Variants in ZNF280D observed in about 807,000 individuals in gnomAD.
The protein encoded by ZNF280D is suppressor of hairy wing homolog 4.
A neutral mutation model predicts 94.7 loss-of-function variants in ZNF280D; 39 were observed. The ratio of observed to expected loss-of-function variants is 0.41; its 90% CI spans 0.32 to 0.54. ZNF280D has a LOEUF of 0.54. ZNF280D is among the 20% of genes least tolerant of loss of function. The probability of loss-of-function intolerance (pLI) is 0.22; values close to 1 mark genes in which losing one functional copy is unlikely to be tolerated. For missense variants in ZNF280D, 1,090 were observed against 1,149.3 expected (o/e 0.95, Z 0.75); for synonymous variants, 398 against 377.6 (o/e 1.05, Z -0.63).
In ZNF280D at chr15:56,729,160, T is replaced by C. The variant is rs572369400; in HGVS notation, c.-86+4298A>G. On this transcript the variant is annotated intron_variant, in intron 1 of 21. Transcript: ENST00000267807. Reference sequence around the variant, plus strand: ...AATGAAATATGATAAGCTTGGACAATGCAGATCTACACAGAGATTGGGAAA... The same window carrying C: ...AATGAAATATGATAAGCTTGGACAACGCAGATCTACACAGAGATTGGGAAA... 1.2e-4 allele frequency among the ~76,000 whole-genome samples: 12 copies of C among 100,352 alleles called. No homozygotes were observed. The South Asian group carries it at 3.7e-3, about 31-fold the overall frequency. 65.8% of individuals were successfully genotyped at this position (100,352 alleles called of 152,430 possible).
chr15:56,708,341 T>C (rs763137750), intron 1 of ZNF280D, among the ~76,000 whole-genome samples: 5 of 152,226 alleles, frequency 3.3e-5, no homozygotes, highest in Non-Finnish European at 7.4e-5. Flanking sequence ...AGTTGTACTA[T>C]TAAAAATCTT....
intron 19 of ZNF280D, among the ~76,000 whole-genome samples, chr15:56,649,427 A>G (rs1403945020): frequency 5.9e-5 from 9 of 152,192 alleles, no homozygotes; most frequent in Admixed American, 5.9e-4. Context: ...TTGCAATTAC[A>G]TACCAGGAGC....
At chr15:56,646,393 C>T (rs955002050) in intron 19 of ZNF280D, among the ~76,000 whole-genome samples, 7 of 152,066 alleles carry the variant, frequency 4.6e-5, no homozygotes, top group Admixed American at 1.3e-4. Flanking sequence ...CTGCACACTG[C>T]AATCCAGCCC....
chr15:56,662,992 A>C (rs750792818), intron 16 of ZNF280D, among the ~76,000 whole-genome samples: 2 of 151,928 alleles, frequency 1.3e-5, no homozygotes, highest in Non-Finnish European at 2.9e-5. Context: ...GTAGAAAACA[A>C]ACATGGGGCC....
chr15:56,666,617 C>CT, intron 15 of ZNF280D, 62 bp downstream of exon 15: 1 of 1,514,836 alleles, frequency 6.6e-7, no homozygotes, highest in Non-Finnish European at 8.8e-7. Context: ...GTTCTCTTAA[C>CT]TAAAGTATAA....
At chr15:56,716,845 T>C (rs961026610) in intron 1 of ZNF280D, among the ~76,000 whole-genome samples, 2 of 152,214 alleles carry the variant, frequency 1.3e-5, no homozygotes, top group Admixed American at 6.5e-5. Context: ...AGGATATTTA[T>C]TGGCTCATTT....
At chr15:56,700,143 T>C (rs2056974882) in intron 6 of ZNF280D, 1 of 971,370 alleles carries the variant, frequency 1.0e-6, no homozygotes, top group African/African-American at 1.8e-5. Context: ...CTGAGAACTG[T>C]TCAACTAAGG....
chr15:56,710,746 C>T (rs1015993167), intron 1 of ZNF280D, among the ~76,000 whole-genome samples: 4 of 151,978 alleles, frequency 2.6e-5, no homozygotes, highest in African/African-American at 9.7e-5. Context: ...ATAGATATCA[C>T]CCGATGTACT....
chr15:56,652,081 C>T (rs1265884908), intron 19 of ZNF280D, among the ~76,000 whole-genome samples: 3 of 149,550 alleles, frequency 2.0e-5, no homozygotes, highest in African/African-American at 7.4e-5. Context: ...AAGTCCACTA[C>T]TAAGAAACAA....
chr15:56,655,134 G>A (rs996219018), intron 17 of ZNF280D, among the ~76,000 whole-genome samples: 1 of 152,140 alleles, frequency 6.6e-6, no homozygotes, highest in South Asian at 2.1e-4. Flanking sequence ...ATCAAGGTTG[G>A]TATTATTCTT....
chr15:56,653,404 A>C lies in ZNF280D; in HGVS notation c.2213+794T>G, dbSNP rs1474779916. 5.9e-6 allele frequency: 8 copies of C among 1,363,990 alleles called. No individual in the cohort carries two copies. The East Asian group carries it at 2.3e-4, about 39-fold the overall frequency. 84.5% of individuals were successfully genotyped at this position (1,363,990 alleles called of 1,614,324 possible). A position where few individuals can be genotyped will look rare whatever the true frequency, so the allele number is the denominator to read the frequency against. On this transcript the variant is annotated intron_variant, in intron 19 of 21. Coordinates refer to ENST00000267807, the MANE Select transcript of ZNF280D (RefSeq NM_017661.4). ...TCTCTGGCCAAACAACATCAGCCTT[A>C]TGGGAGGCCAGCCATGTAGAAAGGG...
chr15:56,688,169 G>C (rs2056160234), intron 9 of ZNF280D, among the ~76,000 whole-genome samples: 1 of 151,954 alleles, frequency 6.6e-6, no homozygotes, highest in Non-Finnish European at 1.5e-5. Flanking sequence ...TACTTCACTA[G>C]TACTTTGAAC....
At chr15:56,649,604 A>C (rs1329163057) in intron 19 of ZNF280D, among the ~76,000 whole-genome samples, 6 of 151,904 alleles carry the variant, frequency 3.9e-5, no homozygotes, top group Admixed American at 1.3e-4. Flanking sequence ...TCAATAGATC[A>C]GTTTGTTTTT....
At chr15:56,707,375 T>A in intron 1 of ZNF280D, 69 bp from the exon 2 acceptor site, 1 of 1,339,644 alleles carries the variant, frequency 7.5e-7, no homozygotes. Context: ...TTTAATCTTT[T>A]CTCCTATACA....
chr15:56,685,859 C>A (rs1190518090), intron 9 of ZNF280D, among the ~76,000 whole-genome samples: 1 of 152,060 alleles, frequency 6.6e-6, no homozygotes, highest in Non-Finnish European at 1.5e-5. Flanking sequence ...CCAAATAAAT[C>A]TATCATATTG....
chr15:56,716,852 A>C (rs1435836708), intron 1 of ZNF280D, among the ~76,000 whole-genome samples: 1 of 152,186 alleles, frequency 6.6e-6, no homozygotes, highest in Admixed American at 6.5e-5. Flanking sequence ...TTATTGGCTC[A>C]TTTGTAGAAA....
intron 7 of ZNF280D, among the ~76,000 whole-genome samples, chr15:56,692,106 T>G (rs1199286072): frequency 6.6e-6 from 1 of 152,156 alleles, no homozygotes; most frequent in Non-Finnish European, 1.5e-5. Flanking sequence ...AGACTTTTTC[T>G]ATGAATAAAT....
At chr15:56,633,818 G>T (rs1310941788) in intron 21 of ZNF280D, among the ~76,000 whole-genome samples, 1 of 151,926 alleles carries the variant, frequency 6.6e-6, no homozygotes, top group Non-Finnish European at 1.5e-5. Flanking sequence ...CAGCAAGAAA[G>T]GAATGATTAA....
intron 19 of ZNF280D, chr15:56,645,004 C>T (rs2052808505): frequency 6.6e-6 from 1 of 152,036 alleles, no homozygotes. Flanking sequence ...TTTAGAAAAG[C>T]ACACAATAAA....
Sources: gnomAD v4.1 joint callset for allele counts (sites outside exome capture counted in the v4.1 genomes callset) on GRCh38, gnomAD v4.1.1 for gene constraint, MANE v1.5 for transcripts, NCBI Gene and HGNC (gene_info 2026-07-23, HGNC 2026-07-21) for gene names.